Variants in CORIN observed in about 807,000 individuals in gnomAD.
The protein encoded by CORIN is atrial natriuretic peptide-converting enzyme.
A neutral mutation model predicts 125.3 loss-of-function variants in CORIN; 117 were observed. The ratio of observed to expected loss-of-function variants is 0.93; its 90% CI spans 0.80 to 1.09. The LOEUF (loss-of-function observed/expected upper bound fraction) is 1.09. CORIN is among the 50% of genes least tolerant of loss of function. The probability of loss-of-function intolerance (pLI) is 0.00; values close to 1 mark genes in which losing one functional copy is unlikely to be tolerated. For missense variants in CORIN, 1,253 were observed against 1,306.7 expected, an observed-to-expected ratio of 0.96 and a Z score of 0.63; for synonymous variants, 450 against 466.4, an observed-to-expected ratio of 0.96 and a Z score of 0.45.
chr4:47,791,861 C>A (rs149407545), intron 2 of CORIN, among the ~76,000 whole-genome samples: 227 of 152,272 alleles, frequency 1.5e-3, no homozygotes, highest in African/African-American at 5.3e-3. Flanking sequence ...GCTGAGAACA[C>A]AATATTTAGT....
intron 19 of CORIN, among the ~76,000 whole-genome samples, chr4:47,621,850 CTT>C (rs869215076): frequency 3.2e-4 from 44 of 138,722 alleles, no homozygotes; most frequent in African/African-American, 9.2e-4. Flanking sequence ...AGATAAAAAT[CTT>C]TTTTTTTTTT....
rs541980883 is a variant in CORIN, at chr4:47,631,495, C to T, written c.2199-4974G>A. Among the ~76,000 whole-genome samples the T allele has an allele frequency of 3.3e-5, 5 of 151,888 alleles. No individual in the cohort carries two copies. In the South Asian group the frequency reaches 1.0e-3, roughly 32 times the overall value. On this transcript the variant is annotated intron_variant, in intron 16 of 21. Coordinates refer to ENST00000273857, the MANE Select transcript of CORIN (RefSeq NM_006587.4). Reference sequence around the variant, plus strand: ...ATGCCTGATGATCTGTCACTGTCTCCCATCACCCTCAGATGGGACCATCTA... The same window carrying T: ...ATGCCTGATGATCTGTCACTGTCTCTCATCACCCTCAGATGGGACCATCTA...
Position 47,806,994 on chromosome 4 carries a change from C to T in CORIN, c.117G>A (p.Ala39=), listed in dbSNP as rs546575810. Reference sequence around the variant, plus strand: ...ATAGGAACCGGAGGAGGTTAGCAGTCGCCAGCTTCTGAGAGCAGCCATTGC... The same window carrying T: ...ATAGGAACCGGAGGAGGTTAGCAGTTGCCAGCTTCTGAGAGCAGCCATTGC... ...NMGNGCSQKL[A]TANLLRFLLL... Residue 39 remains alanine (A), a synonymous_variant, in exon 2 of 22, where the codon GCG becomes GCA. Coordinates refer to ENST00000273857, the MANE Select transcript of CORIN (RefSeq NM_006587.4). 14 of 1,613,960 alleles carry T rather than the reference C, an allele frequency of 8.7e-6. No homozygotes were observed. Among genetic ancestry groups the T allele is most frequent in the Middle Eastern group, 1.7e-4 (1 of 6,058 alleles).
chr4:47,766,714 G>A (rs1313167294), intron 3 of CORIN, among the ~76,000 whole-genome samples: 1 of 152,082 alleles, frequency 6.6e-6, no homozygotes, highest in Non-Finnish European at 1.5e-5. Context: ...GGGAGGCTGA[G>A]GTGGGCGGAT....
intron 21 of CORIN, among the ~76,000 whole-genome samples, chr4:47,597,411 G>C (rs928427249): frequency 6.6e-6 from 1 of 151,360 alleles, no homozygotes; most frequent in Non-Finnish European, 1.5e-5. Context: ...GTATGCTTTT[G>C]TGTAAGTGAT....
At chr4:47,774,754 T>C (rs532527694) in intron 3 of CORIN, among the ~76,000 whole-genome samples, 2 of 152,346 alleles carry the variant, frequency 1.3e-5, no homozygotes, top group East Asian at 3.9e-4. Flanking sequence ...TGGCTTCTTC[T>C]ATAAAAGCAG....
intron 5 of CORIN, among the ~76,000 whole-genome samples, chr4:47,704,903 G>A (rs1042127574): frequency 1.3e-5 from 2 of 152,084 alleles, no homozygotes; most frequent in African/African-American, 4.8e-5. Context: ...TCACACGATG[G>A]CAGCCATACT....
chr4:47,753,930 T>C (rs1398148451), intron 4 of CORIN, among the ~76,000 whole-genome samples: 2 of 152,196 alleles, frequency 1.3e-5, no homozygotes, highest in African/African-American at 4.8e-5. Flanking sequence ...TAAATGTCCA[T>C]GAAATCTTCA....
intron 7 of CORIN, chr4:47,682,358 C>G (rs61760504): frequency 0.049 from 7,163 of 147,138 alleles, 225 homozygotes; most frequent in South Asian, 0.087. Context: ...AGGAGAATCA[C>G]TTGAGCCCGG....
chr4:47,825,516 C>A (rs1732706533), intron 1 of CORIN, among the ~76,000 whole-genome samples: 1 of 152,160 alleles, frequency 6.6e-6, no homozygotes, highest in Non-Finnish European at 1.5e-5. Flanking sequence ...TCTAGGATCA[C>A]TGGCCTAATC....
intron 5 of CORIN, among the ~76,000 whole-genome samples, chr4:47,741,838 T>G (rs1728410721): frequency 1.3e-5 from 2 of 152,018 alleles, no homozygotes; most frequent in Admixed American, 6.5e-5. Flanking sequence ...TTAATTCATA[T>G]TAAATGTCCA....
At chr4:47,649,555 T>A (rs1220347289) in intron 13 of CORIN, among the ~76,000 whole-genome samples, 1 of 152,204 alleles carries the variant, frequency 6.6e-6, no homozygotes, top group African/African-American at 2.4e-5. Flanking sequence ...GTTATAAGCA[T>A]TCCAAGCTGT....
chr4:47,836,326 GTTTAATAACTT>G (rs1401322923), intron 1 of CORIN, among the ~76,000 whole-genome samples: 1 of 152,104 alleles, frequency 6.6e-6, no homozygotes, highest in Non-Finnish European at 1.5e-5. Context: ...AAAAAAAATG[GTTTAATAACTT>G]TTTATAAATG....
chr4:47,627,590 A>C (rs1560478886), intron 16 of CORIN, among the ~76,000 whole-genome samples: 1 of 152,216 alleles, frequency 6.6e-6, no homozygotes, highest in East Asian at 1.9e-4. Flanking sequence ...TTACAAAAAT[A>C]AGAATTTTTC....
intron 9 of CORIN, among the ~76,000 whole-genome samples, chr4:47,675,770 G>A (rs73142045): frequency 1.6e-4 from 25 of 152,198 alleles, no homozygotes; most frequent in African/African-American, 5.8e-4. Context: ...TGGGGGTCTT[G>A]CTATATTGCC....
intron 19 of CORIN, among the ~76,000 whole-genome samples, chr4:47,614,023 T>G (rs17572345): frequency 0.27 from 40,940 of 151,870 alleles, 5,658 homozygotes; most frequent in Admixed American, 0.35. Flanking sequence ...CAGGGCTTTG[T>G]CTAAAAAGAA....
rs1725837481 is a variant in CORIN at position 47,693,021 on chromosome 4, G to A, written c.862C>T (p.Gln288Ter). ...ASGICIPGKL[Q>*]CNGYNDCDDW... Reference sequence around the variant, plus strand: ...TCACAGTCGTTGTAGCCATTACATTGCAGTTTCCCGGGGATGCAGATTCCA... The same window carrying A: ...TCACAGTCGTTGTAGCCATTACATTACAGTTTCCCGGGGATGCAGATTCCA... Residue 288 changes from glutamine (Q) to a stop codon, truncating the protein, a stop_gained, in exon 6 of 22, where the codon CAA becomes TAA. Transcript: ENST00000273857. LOFTEE classifies it high-confidence loss of function. 6.2e-7 allele frequency: 1 copy of A among 1,613,686 alleles called. No individual in the cohort carries two copies. Among genetic ancestry groups the A allele is most frequent in the Non-Finnish European group, 8.5e-7 (1 of 1,179,796 alleles).
rs1174203098 is a variant in CORIN, at chr4:47,781,070, G to A, written c.409+5655C>T. On this transcript the variant is annotated intron_variant, in intron 3 of 21. Transcript: ENST00000273857. ...AACAAATAGCAAAATGACAGAAGTA[G>A]GTCTTCATCAGTAATTACTTTAAAT... Among the ~76,000 whole-genome samples the A allele has an allele frequency of 5.3e-5, 8 of 151,528 alleles. No individual in the cohort carries two copies. The East Asian group carries it at 1.5e-3, about 29-fold the overall frequency.
intron 21 of CORIN, among the ~76,000 whole-genome samples, chr4:47,597,339 G>A (rs1156311136): frequency 1.6e-5 from 2 of 126,852 alleles, no homozygotes; most frequent in Admixed American, 1.8e-4. Context: ...GAGACAGAGT[G>A]AAACTCCATC....
Sources: allele counts gnomAD v4.1 joint callset (sites outside exome capture counted in the v4.1 genomes callset), GRCh38; gene constraint gnomAD v4.1.1; transcripts MANE v1.5; gene names NCBI Gene and HGNC (gene_info 2026-07-23, HGNC 2026-07-21).